BRINP2: variants seen among roughly 807,000 people sequenced by gnomAD.
The protein encoded by BRINP2 is BMP/retinoic acid inducible neural specific 2, also known as BMP/retinoic acid-inducible neural-specific protein 2.
A neutral mutation model predicts 69.2 loss-of-function variants in BRINP2; 21 were observed. The ratio of observed to expected loss-of-function variants is 0.30; its 90% confidence interval spans 0.22 to 0.44. The LOEUF is 0.44. Among genes scored for constraint, BRINP2 ranks in the 20% least tolerant of loss-of-function variants. The pLI is 1.00. For missense variants in BRINP2, 877 were observed against 986.0 expected, an observed-to-expected ratio of 0.89 and a Z score of 1.48; for synonymous variants, 380 against 394.1, an observed-to-expected ratio of 0.96 and a Z score of 0.42.
rs188053126 is a variant in BRINP2, at chr1:177,257,562, C to A, written c.669+178C>A. On this transcript the variant is annotated intron_variant, in intron 4 of 7. Transcript: ENST00000361539. ...ATGGGGTCATTCATTCCACTGCAGA[C>A]ACTCACAGAGCACCCACTCTGAGGC... Among the ~76,000 whole-genome samples the A allele has an allele frequency of 1.4e-3, 212 of 152,308 alleles. 2 individuals are homozygous for A. Among genetic ancestry groups the A allele is most frequent in the African/African-American group, 4.1e-3 (172 of 41,564 alleles).
chr1:177,203,729 A>T (rs1236229753), intron 1 of BRINP2, among the ~76,000 whole-genome samples: 3 of 152,154 alleles, frequency 2.0e-5, no homozygotes, highest in Non-Finnish European at 1.5e-5. Flanking sequence ...AAAAGATGCT[A>T]GGGATAAAAC....
chr1:177,242,336 T>G (rs1650231033), intron 2 of BRINP2, among the ~76,000 whole-genome samples: 2 of 152,204 alleles, frequency 1.3e-5, no homozygotes, highest in Non-Finnish European at 2.9e-5. Context: ...ATCCATTCAT[T>G]CACTATTTCA....
Position 177,230,075 on chromosome 1 carries a change from C to T in BRINP2, c.199C>T (p.Arg67Cys), listed in dbSNP as rs773700754. 8.1e-6 allele frequency: 13 copies of T among 1,613,840 alleles called. No homozygotes were observed. Among genetic ancestry groups the T allele is most frequent in the South Asian group, 4.4e-5 (4 of 91,050 alleles). ...GCTCACAGACCGGGGCCCCTTCCAC[C>T]GCGCTCAGGAGTATGCTGACTTCAT... is the stretch of plus-strand genomic sequence containing the variant. ...WLLTDRGPFH[R>C]AQEYADFMER... The change falls in exon 2 of 8, where the codon CGC becomes TGC. Residue 67 changes from arginine to cysteine, a missense_variant. By Grantham distance (180) the Arg-to-Cys change is radical. Around this residue, in one of 3 missense-constraint regions of BRINP2, gnomAD observed 566 missense variants for 625.2 expected, o/e 0.91. Transcript: ENST00000361539.
At chr1:177,263,084 C>T (rs1651008955) in intron 4 of BRINP2, among the ~76,000 whole-genome samples, 1 of 151,962 alleles carries the variant, frequency 6.6e-6, no homozygotes, top group Non-Finnish European at 1.5e-5. Context: ...CAGTAATGGA[C>T]CATGGAATAT....
intron 6 of BRINP2, among the ~76,000 whole-genome samples, chr1:177,277,960 T>C (rs1387957599): frequency 6.6e-6 from 1 of 152,154 alleles, no homozygotes. Flanking sequence ...CTAAATTTGC[T>C]GTAGGGCAGA....
chr1:177,202,866 T>C (rs2102304787), intron 1 of BRINP2, among the ~76,000 whole-genome samples: 1 of 152,296 alleles, frequency 6.6e-6, no homozygotes, highest in South Asian at 2.1e-4. Flanking sequence ...GGAACACTTG[T>C]ACACTGTTGG....
rs867769568 is a variant in BRINP2 at position 177,281,430 on chromosome 1, G to C, written c.2254G>C (p.Ala752Pro). The C allele has an allele frequency of 3.7e-6, 6 of 1,614,010 alleles. No homozygotes were observed. Among genetic ancestry groups the C allele is most frequent in the Non-Finnish European group, 5.1e-6 (6 of 1,180,024 alleles). Residue 752 changes from alanine (A) to proline (P), a missense_variant, in exon 8 of 8, where the codon GCC (alanine) becomes CCC (proline). Coordinates refer to ENST00000361539, the MANE Select transcript of BRINP2 (RefSeq NM_021165.4). ...CTTGCTCCGGCATCGGCTTAAGCTG[G>C]CCAACAATGAGGTGGGCAGGATCCA... Reference protein sequence around the residue: ...SCLLRHRLKLANNEVGRIQSS... With the variant: ...SCLLRHRLKLPNNEVGRIQSS...
chr1:177,204,625 A>C (rs1031270278), intron 1 of BRINP2, among the ~76,000 whole-genome samples: 1 of 152,170 alleles, frequency 6.6e-6, no homozygotes, highest in Non-Finnish European at 1.5e-5. Context: ...GAAGGTTAAA[A>C]ATTTCTGATT....
chr1:177,242,154 T>C (rs765718920), intron 2 of BRINP2, among the ~76,000 whole-genome samples: 1 of 152,222 alleles, frequency 6.6e-6, no homozygotes, highest in Non-Finnish European at 1.5e-5. Flanking sequence ...TTGTAGATTC[T>C]ATCGCAGAAC....
chr1:177,252,468 A>T (rs1224523873), intron 2 of BRINP2, among the ~76,000 whole-genome samples: 1 of 152,176 alleles, frequency 6.6e-6, no homozygotes, highest in African/African-American at 2.4e-5. Context: ...CATATCCGGC[A>T]CAACAGTGTA....
chr1:177,200,293 CAAAAAAAAAAAAAAAAAAA>C (rs35619503), intron 1 of BRINP2, among the ~76,000 whole-genome samples: 1 of 34,794 alleles, frequency 2.9e-5, no homozygotes, highest in Non-Finnish European at 5.5e-5. Context: ...AACTCTGTCT[CAAAAAAAAAAAAAAAAAAA>C]AAAAAAAAAA....
intron 2 of BRINP2, among the ~76,000 whole-genome samples, chr1:177,234,574 C>A (rs1202840494): frequency 6.6e-6 from 1 of 151,982 alleles, no homozygotes; most frequent in Non-Finnish European, 1.5e-5. Context: ...ATCCAAGCCA[C>A]TATGATGAAA....
At position 177,201,658 on chromosome 1, in the gene BRINP2, T is replaced by C. The variant is rs374112037; in HGVS notation, c.-76-28143T>C. 3.3e-5 allele frequency among the ~76,000 whole-genome samples: 5 copies of C among 152,220 alleles called. No individual in the cohort carries two copies. The East Asian group carries it at 5.8e-4, about 18-fold the overall frequency. ...GTTGAATCTGGACTGAGGATCTGGA[T>C]TGATACACCTTGATCTCATCAAGAC... On this transcript the variant is annotated intron_variant, in intron 1 of 7. Coordinates refer to ENST00000361539, the MANE Select transcript of BRINP2 (RefSeq NM_021165.4).
At chr1:177,244,082 G>A (rs1250283359) in intron 2 of BRINP2, among the ~76,000 whole-genome samples, 1 of 152,130 alleles carries the variant, frequency 6.6e-6, no homozygotes, top group Non-Finnish European at 1.5e-5. Context: ...CAAAAAGAGG[G>A]CGAAATGTAA....
Position 177,276,233 on chromosome 1 carries a change from C to G in BRINP2, c.811C>G (p.Arg271Gly). The change falls in exon 6 of 8, where the codon CGC becomes GGC. Residue 271 changes from arginine to glycine, a missense_variant. Physicochemically the swap from Arg to Gly is moderately radical, Grantham distance 125. This residue lies in a region of BRINP2 where 566 missense variants were observed against 625.2 expected (regional missense o/e 0.91). Coordinates refer to ENST00000361539, the MANE Select transcript of BRINP2 (RefSeq NM_021165.4). The stretch of plus-strand genomic sequence containing the variant: ...GCTGCTGCCTGAGTATCTGCGTGAG[C>G]GCTTTGTAGCTGCAGCACTCAGCTA... Reference protein sequence around the residue: ...QVLLPEYLRERFVAAALSYIT... With the variant: ...QVLLPEYLREGFVAAALSYIT... 6.2e-7 allele frequency: 1 copy of G among 1,614,074 alleles called. No individual in the cohort carries two copies. Among genetic ancestry groups the G allele is most frequent in the Non-Finnish European group, 8.5e-7 (1 of 1,179,992 alleles).
At chr1:177,275,835 G>A (rs1651474135) in intron 5 of BRINP2, among the ~76,000 whole-genome samples, 1 of 152,170 alleles carries the variant, frequency 6.6e-6, no homozygotes, top group African/African-American at 2.4e-5. Flanking sequence ...CACCCAAGAG[G>A]GCTGTAAGCT....
chr1:177,278,522 A>G (rs1651575806), intron 6 of BRINP2, 41 bp from the exon 7 acceptor site: 5 of 1,597,440 alleles, frequency 3.1e-6, no homozygotes, highest in Non-Finnish European at 4.3e-6. Flanking sequence ...AGAGTTCTGC[A>G]TAGCTACCCG....
At chr1:177,271,839 G>C (rs774241272) in intron 4 of BRINP2, among the ~76,000 whole-genome samples, 2 of 152,032 alleles carry the variant, frequency 1.3e-5, no homozygotes, top group Non-Finnish European at 2.9e-5. Context: ...ATGAATTCAT[G>C]GCTTACTTCC....
At chr1:177,193,256 C>A (rs1648644197) in intron 1 of BRINP2, among the ~76,000 whole-genome samples, 1 of 152,156 alleles carries the variant, frequency 6.6e-6, no homozygotes, top group African/African-American at 2.4e-5. Context: ...AGGGAAGAAT[C>A]AAAATTTCCC....
Sources: gnomAD v4.1 joint callset for allele counts (sites outside exome capture counted in the v4.1 genomes callset) on GRCh38, gnomAD v4.1.1 for gene constraint, gnomAD v4.1.1 regional missense constraint, MANE v1.5 for transcripts, NCBI Gene and HGNC (gene_info 2026-07-23, HGNC 2026-07-21) for gene names.